Variants in ZNF454 observed in about 807,000 individuals in gnomAD.
The protein encoded by ZNF454 is zinc finger protein 454.
Under a neutral mutation model 48.2 loss-of-function variants are expected in ZNF454, and 30 were observed. The ratio of observed to expected loss-of-function variants is 0.62; its 90% CI spans 0.47 to 0.84. The LOEUF (loss-of-function observed/expected upper bound fraction) is 0.84, where lower values mean the gene tolerates loss of function less well. ZNF454 is among the 40% of genes least tolerant of loss of function. The pLI is 0.00. For synonymous variants in ZNF454, 204 were observed against 211.4 expected (o/e 0.97, Z 0.30); for missense variants, 510 against 623.1 (o/e 0.82, Z 1.93).
At chr5:178,982,064 G>A in the ZNF454 span, among the ~76,000 whole-genome samples, 4 of 152,338 alleles carry the variant, frequency 2.6e-5, no homozygotes, top group African/African-American at 9.6e-5. Flanking sequence ...GGAGGGAGGG[G>A]TGAGGAGGGG....
chr5:178,941,207 C>G lies in ZNF454; in HGVS notation c.-345C>G. The G allele has an allele frequency of 2.8e-6, 1 of 357,902 alleles. No individual in the cohort carries two copies. Among genetic ancestry groups the G allele is most frequent in the Admixed American group, 3.6e-5 (1 of 27,836 alleles). 22.2% of individuals were successfully genotyped at this position (357,902 alleles called of 1,614,324 possible). A position where few individuals can be genotyped will look rare whatever the true frequency, so the allele number is the denominator to read the frequency against. Reference sequence around the variant, plus strand: ...CGCGCAAGCGCAGTTCGGCTCCCGGCTGCAGACTCCAGCTCATTGTGTTCT... The same window carrying G: ...CGCGCAAGCGCAGTTCGGCTCCCGGGTGCAGACTCCAGCTCATTGTGTTCT... On this transcript the variant is annotated 5_prime_UTR_variant, in exon 1 of 5. Transcript: ENST00000519564. The surrounding 1 kb of genome is among the most constrained non-coding windows in gnomAD (Gnocchi z 5.5).
chr5:178,956,225 A>G (rs1415463054), intron 4 of ZNF454, among the ~76,000 whole-genome samples: 1 of 152,186 alleles, frequency 6.6e-6, no homozygotes, highest in Non-Finnish European at 1.5e-5. Context: ...TACAGTTAAA[A>G]TATCTTACAT....
chr5:178,948,816 T>A (rs1759439750), intron 4 of ZNF454, among the ~76,000 whole-genome samples: 1 of 149,014 alleles, frequency 6.7e-6, no homozygotes, highest in South Asian at 2.1e-4. Context: ...ATATTTTATA[T>A]AAATTATTCT....
Position 178,946,970 on chromosome 5 carries a change from T to G in ZNF454, c.234T>G (p.Pro78=). 6.2e-7 allele frequency: 1 copy of G among 1,614,016 alleles called. No homozygotes were observed. The highest frequency in any genetic ancestry group is 2.2e-5 in the East Asian group (1 of 44,878). The change falls in exon 4 of 5, where the codon CCT becomes CCG. Residue 78 remains proline (P), a synonymous_variant. Coordinates refer to ENST00000519564, the MANE Select transcript of ZNF454 (RefSeq NM_001178089.3). This position sits in a 1 kb window ranked among gnomAD's most constrained non-coding sequence, Gnocchi z 4.5. ...KREVWMPEDT[P]GGFCLDWMTM... ...AAGTGTGGATGCCAGAGGACACCCC[T>G]GGAGGCTTCTGTCTTGGTAAGAATC...
At chr5:178,967,865 G>A (rs983155676), downstream of ZNF454, among the ~76,000 whole-genome samples, 5 of 150,832 alleles carry the variant, frequency 3.3e-5, no homozygotes, top group African/African-American at 4.9e-5. Flanking sequence ...TCAGCCTCCC[G>A]AGTAGCTAGG....
In ZNF454 at chr5:178,946,469, C is replaced by A. The variant is rs756835499; in HGVS notation, c.144C>A (p.Ser48Arg). 4 of 1,600,116 alleles carry A rather than the reference C, an allele frequency of 2.5e-6. No individual in the cohort carries two copies. The highest frequency in any genetic ancestry group is 3.4e-6 in the Non-Finnish European group (4 of 1,176,450). The change falls in exon 3 of 5, where the codon AGC (serine) becomes AGA (arginine). Residue 48 changes from serine (S) to arginine (R), a missense_variant. By Grantham distance (110) the Ser-to-Arg change is moderately radical (BLOSUM62 -1). Around this residue, in one of 3 missense-constraint regions of ZNF454, gnomAD observed 354 missense variants for 408.9 expected, o/e 0.87. Coordinates refer to ENST00000519564, the MANE Select transcript of ZNF454 (RefSeq NM_001178089.3). The surrounding 1 kb of genome is among the most constrained non-coding windows in gnomAD (Gnocchi z 4.5). The part of the protein sequence containing the change: ...LYRDVMLENY[S>R]NLVSLGLLGP... ...GGGACGTGATGCTGGAGAACTACAG[C>A]AACCTGGTCTCACTGGGTAAGTGGG...
chr5:178,975,665 A>G, the ZNF454 span: 1 of 405,050 alleles, frequency 2.5e-6, no homozygotes, highest in Non-Finnish European at 5.2e-6. Flanking sequence ...GCCTTGGCCT[A>G]CAGGGCCACA....
chr5:178,981,964 T>C, the ZNF454 span: 141 of 827,434 alleles, frequency 1.7e-4, no homozygotes, highest in South Asian at 1.8e-3. The surrounding 1 kb of genome is among the most constrained non-coding windows in gnomAD (Gnocchi z 5.1). Flanking sequence ...GTTGGGGAAC[T>C]GGGAATGAGC....
the ZNF454 span, among the ~76,000 whole-genome samples, chr5:178,972,285 C>T: frequency 3.3e-5 from 5 of 152,154 alleles, no homozygotes; most frequent in East Asian, 9.6e-4. Context: ...TATTTCACAA[C>T]TATTTTATGA....
In ZNF454 at chr5:178,941,516, G is replaced by A. The variant is rs1759088875; in HGVS notation, c.-108+72G>A. ...TCATCCTGGGCTGAGGGTCGAGTCT[G>A]TGAGTGCCTGTGGAGGAGATGGAGC... On this transcript the variant is annotated intron_variant, in intron 1 of 4. Coordinates refer to ENST00000519564, the MANE Select transcript of ZNF454 (RefSeq NM_001178089.3). The surrounding 1 kb of genome is among the most constrained non-coding windows in gnomAD (Gnocchi z 5.5). 2.2e-6 allele frequency: 1 copy of A among 456,532 alleles called. No individual in the cohort carries two copies. The highest frequency in any genetic ancestry group is 2.0e-5 in the African/African-American group (1 of 50,082). 28.3% of individuals were successfully genotyped at this position (456,532 alleles called of 1,614,324 possible).
chr5:178,969,749 AC>A (rs1174399145), downstream of ZNF454: 1 of 427,040 alleles, frequency 2.3e-6, no homozygotes. Context: ...GCGTTCCGAG[AC>A]CCATCACAGT....
chr5:178,968,945 G>A (rs1052772911), downstream of ZNF454: 5 of 448,262 alleles, frequency 1.1e-5, no homozygotes, highest in Non-Finnish European at 2.2e-5. Flanking sequence ...TGAGAAGACA[G>A]TGCACTCTCC....
chr5:178,982,748 G>A, the ZNF454 span: 172 of 632,752 alleles, frequency 2.7e-4, no homozygotes, highest in Middle Eastern at 4.2e-4. Flanking sequence ...TTAGAAGCTT[G>A]GAAAAGTGAA....
chr5:178,969,377 T>A, downstream of ZNF454: 1 of 441,570 alleles, frequency 2.3e-6, no homozygotes, highest in Non-Finnish European at 4.6e-6. Flanking sequence ...AGAGGGAGTT[T>A]TCTGTGCCCC....
chr5:178,986,039 G>A, the ZNF454 span: 1 of 1,215,830 alleles, frequency 8.2e-7, no homozygotes, highest in Non-Finnish European at 1.2e-6. Context: ...TGGGACTACA[G>A]GCGTGTGCCA....
At chr5:178,967,360 G>C (rs1008541926), downstream of ZNF454, among the ~76,000 whole-genome samples, 18 of 152,160 alleles carry the variant, frequency 1.2e-4, no homozygotes, top group Non-Finnish European at 5.9e-5. Flanking sequence ...TCTTCCCCTG[G>C]CTGTACAGTC....
chr5:178,945,283 G>T (rs973857724), intron 2 of ZNF454, among the ~76,000 whole-genome samples: 1 of 151,298 alleles, frequency 6.6e-6, no homozygotes, highest in East Asian at 2.0e-4. Flanking sequence ...GTGTGTATGT[G>T]CATGCGCACT....
chr5:178,986,552 G>A, the ZNF454 span: 4 of 1,607,620 alleles, frequency 2.5e-6, no homozygotes, highest in African/African-American at 5.3e-5. Context: ...CAGCCCGTGT[G>A]GTTGGGCGTG....
At chr5:178,989,091 T>G in the ZNF454 span, 1 of 1,614,084 alleles carries the variant, frequency 6.2e-7, no homozygotes, top group Non-Finnish European at 8.5e-7. Flanking sequence ...AACTGCACCT[T>G]GCCCTCCTGC....
Sources: allele counts gnomAD v4.1 joint callset (sites outside exome capture counted in the v4.1 genomes callset), GRCh38; gene constraint gnomAD v4.1.1; regional missense constraint gnomAD v4.1.1; non-coding constraint Gnocchi (gnomAD v3.1); transcripts MANE v1.5; gene names NCBI Gene and HGNC (gene_info 2026-07-23, HGNC 2026-07-21).